The following AUTS2 variants were observed in gnomAD, a reference collection of about 807,000 sequenced individuals.
AUTS2 encodes activator of transcription and developmental regulator AUTS2.
In AUTS2, 17 loss-of-function variants were observed where a neutral mutation model predicts 112.4. That is an observed-to-expected ratio of 0.15 (90% CI 0.10 to 0.23). The LOEUF (loss-of-function observed/expected upper bound fraction) is 0.23. Ranked by LOEUF, AUTS2 falls within the 10% of genes least tolerant of loss-of-function variation. AUTS2 has a pLI of 1.00. For missense variants in AUTS2, 1,510 were observed against 1,701.6 expected, an observed-to-expected ratio of 0.89 and a Z score of 1.98; for synonymous variants, 751 against 702.7, an observed-to-expected ratio of 1.07 and a Z score of -1.09.
At chr7:70,511,108 C>G (rs146770687) in intron 5 of AUTS2, among the ~76,000 whole-genome samples, 2,763 of 152,238 alleles carry the variant, frequency 0.018, 95 homozygotes, top group African/African-American at 0.063. Context: ...CTCAGCCTCC[C>G]AAAGTGCTGG....
intron 4 of AUTS2, among the ~76,000 whole-genome samples, chr7:70,276,268 G>A (rs766912145): frequency 1.3e-5 from 2 of 151,932 alleles, no homozygotes; most frequent in East Asian, 3.9e-4. Flanking sequence ...AATATCAATT[G>A]TAAAATAAAT....
chr7:69,991,221 G>GT (rs1424415757), intron 2 of AUTS2, among the ~76,000 whole-genome samples: 1 of 152,188 alleles, frequency 6.6e-6, no homozygotes, highest in Non-Finnish European at 1.5e-5. Flanking sequence ...CTGCGTAGTA[G>GT]TTTATTTTGT....
chr7:69,722,215 G>A (rs182189558), intron 1 of AUTS2, among the ~76,000 whole-genome samples: 2 of 151,962 alleles, frequency 1.3e-5, no homozygotes, highest in Admixed American at 1.3e-4. Context: ...GTGTATAGGT[G>A]GTGGCTATTA....
chr7:70,145,867 T>C (rs1807098258), intron 4 of AUTS2, among the ~76,000 whole-genome samples: 1 of 152,116 alleles, frequency 6.6e-6, no homozygotes, highest in African/African-American at 2.4e-5. Context: ...TCAGCACATC[T>C]ATGGGTACGT....
intron 5 of AUTS2, among the ~76,000 whole-genome samples, chr7:70,666,839 T>C (rs1388989164): frequency 2.0e-5 from 3 of 151,982 alleles, no homozygotes; most frequent in Non-Finnish European, 2.9e-5. Context: ...GCTGATTGTG[T>C]TCCTGGGAGC....
At chr7:69,993,031 G>T (rs1369527189) in intron 2 of AUTS2, among the ~76,000 whole-genome samples, 1 of 152,174 alleles carries the variant, frequency 6.6e-6, no homozygotes, top group Non-Finnish European at 1.5e-5. Context: ...GAGCTTAGGG[G>T]TAAAAGGCTC....
At chr7:70,648,756 T>A (rs1806318228) in intron 5 of AUTS2, among the ~76,000 whole-genome samples, 1 of 152,052 alleles carries the variant, frequency 6.6e-6, no homozygotes, top group African/African-American at 2.4e-5. Context: ...TAATTTTTTT[T>A]TAAATTTTTG....
At chr7:70,784,888 A>G (rs969875975) in intron 15 of AUTS2, 54 bp from the exon 16 acceptor site, 2 of 1,546,226 alleles carry the variant, frequency 1.3e-6, no homozygotes, top group East Asian at 4.5e-5. Flanking sequence ...AGCCGGTTGC[A>G]TCTTCGAAGT....
intron 4 of AUTS2, among the ~76,000 whole-genome samples, chr7:70,420,819 A>T (rs1053117339): frequency 3.3e-5 from 5 of 152,230 alleles, no homozygotes; most frequent in African/African-American, 1.2e-4. Context: ...GGAGGGATGG[A>T]CAGGTTCACT....
At chr7:70,481,262 G>A (rs557979450) in intron 5 of AUTS2, among the ~76,000 whole-genome samples, 1 of 152,320 alleles carries the variant, frequency 6.6e-6, no homozygotes, top group South Asian at 2.1e-4. Context: ...ACCCGAAGGA[G>A]CAGGATTCTG....
intron 1 of AUTS2, among the ~76,000 whole-genome samples, chr7:69,602,371 C>G (rs1259760480): frequency 6.6e-6 from 1 of 151,944 alleles, no homozygotes; most frequent in Non-Finnish European, 1.5e-5. Flanking sequence ...ACCTTCATAT[C>G]TAAATATCAT....
intron 4 of AUTS2, among the ~76,000 whole-genome samples, chr7:70,407,470 T>C (rs1483652548): frequency 6.6e-6 from 1 of 152,062 alleles, no homozygotes; most frequent in East Asian, 1.9e-4. Context: ...CCTTGAAAAA[T>C]AAAAATCTCA....
At chr7:69,614,368 T>TTTCTTTTCTTTCTTTTCTTTCTTTC in intron 1 of AUTS2, among the ~76,000 whole-genome samples, 75 of 19,432 alleles carry the variant, frequency 3.9e-3, no homozygotes, top group African/African-American at 4.6e-3. Flanking sequence ...TTCTTTCTTT[T>TTTCTTTTCTTTCTTTTCTTTCTTTC]TTTAAGAGAT....
At chr7:70,367,118 T>A (rs1025451625) in intron 4 of AUTS2, among the ~76,000 whole-genome samples, 2 of 152,142 alleles carry the variant, frequency 1.3e-5, no homozygotes, top group African/African-American at 2.4e-5. Flanking sequence ...AAACCCCGTC[T>A]CTACTAAAAG....
chr7:70,335,694 A>G (rs1790956888), intron 4 of AUTS2, among the ~76,000 whole-genome samples: 1 of 152,016 alleles, frequency 6.6e-6, no homozygotes, highest in South Asian at 2.1e-4. Flanking sequence ...ATCTACGGAG[A>G]TGAAAACTGA....
rs182359780 is a variant in AUTS2 at position 70,424,842 on chromosome 7, C to G, written c.661-10910C>G. Among the ~76,000 whole-genome samples the G allele has an allele frequency of 3.9e-5, 6 of 152,280 alleles. No individual in the cohort carries two copies. The East Asian group carries it at 1.2e-3, about 29-fold the overall frequency. On this transcript the variant is annotated intron_variant, in intron 4 of 18. Transcript: ENST00000342771. ...GCTCAAGAGATCATCCCGCCTCAGT[C>G]TTCCAAAGTTCTGGGATTAAAGGCA...
At chr7:69,797,555 T>A (rs1789900779) in intron 1 of AUTS2, among the ~76,000 whole-genome samples, 1 of 152,198 alleles carries the variant, frequency 6.6e-6, no homozygotes. Context: ...ACCTTGCCTG[T>A]CTCTGGGTCT....
At chr7:70,091,946 A>G (rs1038155579) in intron 2 of AUTS2, among the ~76,000 whole-genome samples, 16 of 152,132 alleles carry the variant, frequency 1.1e-4, no homozygotes, top group Admixed American at 9.8e-4. Flanking sequence ...TTTGCCTGCT[A>G]GCTATCAAGT....
rs10251199 is a variant in AUTS2, at chr7:70,209,822, T to G, written c.660+75251T>G. Reference sequence around the variant, plus strand: ...CTAGCACCCAAGGTGTTTCTTATAGTTGGTCTCTCCAGTCTGTTTTAGTAT... The same window carrying G: ...CTAGCACCCAAGGTGTTTCTTATAGGTGGTCTCTCCAGTCTGTTTTAGTAT... On this transcript the variant is annotated intron_variant, in intron 4 of 18. Coordinates refer to ENST00000342771, the MANE Select transcript of AUTS2 (RefSeq NM_015570.4). Among the ~76,000 whole-genome samples, 781 of 152,298 alleles carry G rather than the reference T, an allele frequency of 5.1e-3. 8 individuals are homozygous for G. The highest frequency in any genetic ancestry group is 0.018 in the African/African-American group (754 of 41,564).
Sources: allele counts gnomAD v4.1 joint callset (sites outside exome capture counted in the v4.1 genomes callset), GRCh38; gene constraint gnomAD v4.1.1; transcripts MANE v1.5; gene names NCBI Gene and HGNC (gene_info 2026-07-23, HGNC 2026-07-21).